The following DCT variants were observed in gnomAD, a reference collection of about 807,000 sequenced individuals.
The protein encoded by DCT is dopachrome tautomerase.
A neutral mutation model predicts 53.0 loss-of-function variants in DCT; 47 were observed. The observed-to-expected ratio is 0.89, with a 90% CI of 0.70 to 1.13. The LOEUF is 1.13. Among genes scored for constraint, DCT ranks in the 50% most tolerant of loss-of-function variants. The pLI is 0.00. For missense variants in DCT, 669 were observed against 637.4 expected (o/e 1.05, Z -0.53); for synonymous variants, 244 against 237.0 (o/e 1.03, Z -0.27).
At chr13:94,442,127 A>G (rs1882368342) in intron 7 of DCT, among the ~76,000 whole-genome samples, 1 of 151,972 alleles carries the variant, frequency 6.6e-6, no homozygotes, top group Admixed American at 6.6e-5. Context: ...ATTTGAACTT[A>G]ATTCGAGGTA....
the DCT span, among the ~76,000 whole-genome samples, chr13:94,485,135 T>TG: frequency 3.8e-4 from 9 of 23,976 alleles, no homozygotes; most frequent in South Asian, 1.5e-3. Context: ...TGGGGGGCGG[T>TG]GGGGGGGTGG....
At chr13:94,458,395 T>C (rs1252621443) in intron 6 of DCT, among the ~76,000 whole-genome samples, 1 of 152,198 alleles carries the variant, frequency 6.6e-6, no homozygotes, top group Non-Finnish European at 1.5e-5. Context: ...CTACATTGTG[T>C]TCCTAGAGGT....
intron 6 of DCT, among the ~76,000 whole-genome samples, chr13:94,448,318 G>GT (rs1379693704): frequency 6.6e-6 from 1 of 152,132 alleles, no homozygotes; most frequent in Admixed American, 6.6e-5. Context: ...TAGAATGTAA[G>GT]TTTTTTTGAA....
chr13:94,502,009 T>C, the DCT span, among the ~76,000 whole-genome samples: 2 of 136,296 alleles, frequency 1.5e-5, no homozygotes, highest in Non-Finnish European at 3.1e-5. Flanking sequence ...TGAGGGTGCC[T>C]TCACTGTTCC....
chr13:94,506,583 A>G, the DCT span, among the ~76,000 whole-genome samples: 2 of 152,250 alleles, frequency 1.3e-5, no homozygotes, highest in African/African-American at 4.8e-5. Context: ...GCAGAATTTA[A>G]TTAGTAAATA....
upstream of DCT, among the ~76,000 whole-genome samples, chr13:94,480,250 T>C (rs1174506336): frequency 1.3e-5 from 2 of 152,198 alleles, no homozygotes; most frequent in Non-Finnish European, 2.9e-5. Flanking sequence ...TCTGATTGTA[T>C]GGAAGGCACT....
At chr13:94,490,279 T>C in the DCT span, among the ~76,000 whole-genome samples, 2 of 151,634 alleles carry the variant, frequency 1.3e-5, no homozygotes, top group Non-Finnish European at 2.9e-5. Context: ...CTGAGGTGAG[T>C]GGATCACCTG....
the DCT span, among the ~76,000 whole-genome samples, chr13:94,511,061 T>C: frequency 2.6e-5 from 4 of 152,230 alleles, no homozygotes; most frequent in Non-Finnish European, 2.9e-5. Context: ...TAGCAAGAGA[T>C]GGATCATTTC....
the DCT span, among the ~76,000 whole-genome samples, chr13:94,507,186 A>T: frequency 6.6e-6 from 1 of 152,242 alleles, no homozygotes; most frequent in Non-Finnish European, 1.5e-5. Context: ...CCGAATGAGT[A>T]AATATCATTG....
intron 1 of DCT, among the ~76,000 whole-genome samples, chr13:94,477,761 A>G (rs1402654742): frequency 6.6e-6 from 1 of 152,234 alleles, no homozygotes; most frequent in Non-Finnish European, 1.5e-5. Flanking sequence ...AATGACCTAT[A>G]TCCTCCTATG....
chr13:94,466,554 C>T lies in DCT; in HGVS notation c.696+4G>A, dbSNP rs1035441379. 1 of 1,589,006 alleles carries T rather than the reference C, an allele frequency of 6.3e-7. No homozygotes were observed. Among genetic ancestry groups the T allele is most frequent in the African/African-American group, 1.4e-5 (1 of 73,884 alleles). On this transcript the variant is annotated splice_donor_region_variant and intron_variant, in intron 3 of 7. Transcript: ENST00000377028. ...AAAGAACTAAATGCATAGTTTTGACCTACCTGGAGATCTCTTTCCAGACAC... is the reference window on the plus strand; with the variant it reads ...AAAGAACTAAATGCATAGTTTTGACTTACCTGGAGATCTCTTTCCAGACAC...
chr13:94,542,780 G>C, the DCT span, among the ~76,000 whole-genome samples: 3 of 152,164 alleles, frequency 2.0e-5, no homozygotes, highest in Non-Finnish European at 4.4e-5. Flanking sequence ...AGGGTGTCCA[G>C]GCTTTCAAAA....
At chr13:94,527,083 C>T in the DCT span, among the ~76,000 whole-genome samples, 5 of 152,166 alleles carry the variant, frequency 3.3e-5, no homozygotes, top group Non-Finnish European at 5.9e-5. Context: ...CGTCTGCCAT[C>T]GCTGGGCCTT....
At chr13:94,471,099 A>G (rs1405426313) in intron 1 of DCT, among the ~76,000 whole-genome samples, 1 of 152,224 alleles carries the variant, frequency 6.6e-6, no homozygotes, top group African/African-American at 2.4e-5. Context: ...TACTATGACC[A>G]TAGGGGAGGG....
chr13:94,465,828 T>C (rs1200893933), intron 3 of DCT, 29 bp from the exon 4 acceptor site: 1 of 1,594,568 alleles, frequency 6.3e-7, no homozygotes, highest in Non-Finnish European at 8.6e-7. Flanking sequence ...CCTAGTCATT[T>C]AATCCATGCC....
upstream of DCT, among the ~76,000 whole-genome samples, chr13:94,483,892 C>G (rs1166513858): frequency 6.6e-6 from 1 of 152,092 alleles, no homozygotes; most frequent in Non-Finnish European, 1.5e-5. Flanking sequence ...GCAGGTTTCC[C>G]ATAACTTAAT....
chr13:94,482,802 A>G (rs1318105792), upstream of DCT, among the ~76,000 whole-genome samples: 1 of 152,208 alleles, frequency 6.6e-6, no homozygotes, highest in Non-Finnish European at 1.5e-5. Flanking sequence ...GACCACTATT[A>G]TATTGGGGGT....
At position 94,468,882 on chromosome 13, in the gene DCT, G is replaced by C; in HGVS notation, c.459C>G (p.His153Gln). The C allele has an allele frequency of 6.2e-7, 1 of 1,614,178 alleles. No individual in the cohort carries two copies. The highest frequency in any genetic ancestry group is 8.5e-7 in the Non-Finnish European group (1 of 1,180,040). ...GTTGTGTGGTGATCACGTAGTCGGG[G>C]TGTACTCTCTTCTTCGCGAGATCTA... Reference protein sequence around the residue: ...GALDLAKKRVHPDYVITTQHW... With the variant: ...GALDLAKKRVQPDYVITTQHW... The change falls in exon 2 of 8, where the codon CAC (histidine) becomes CAG (glutamine). Residue 153 changes from histidine (H) to glutamine (Q), a missense_variant. Coordinates refer to ENST00000377028, the MANE Select transcript of DCT (RefSeq NM_001922.5).
the DCT span, among the ~76,000 whole-genome samples, chr13:94,485,379 T>A: frequency 0.022 from 3,372 of 152,190 alleles, 125 homozygotes; most frequent in African/African-American, 0.077. Flanking sequence ...TAACCACCAG[T>A]CTGCTTGTCC....
Sources: gnomAD v4.1 joint callset for allele counts (sites outside exome capture counted in the v4.1 genomes callset) on GRCh38, gnomAD v4.1.1 for gene constraint, MANE v1.5 for transcripts, NCBI Gene and HGNC (gene_info 2026-07-23, HGNC 2026-07-21) for gene names.